The following TSNARE1 variants were observed in gnomAD, a reference collection of about 807,000 sequenced individuals.
TSNARE1 encodes t-SNARE domain containing 1.
TSNARE1 carries 49 observed loss-of-function variants against 62.0 expected under a neutral mutation model. The observed-to-expected ratio is 0.79, with a 90% CI of 0.63 to 1.00. The LOEUF (loss-of-function observed/expected upper bound fraction) is 1.00. TSNARE1 is among the 50% of genes least tolerant of loss of function. The pLI is 0.00. For synonymous variants in TSNARE1, 328 were observed against 294.4 expected (o/e 1.11, Z -1.17); for missense variants, 755 against 700.1 (o/e 1.08, Z -0.88).
intron 6 of TSNARE1, among the ~76,000 whole-genome samples, chr8:142,329,165 C>T (rs1462719727): frequency 2.0e-5 from 3 of 152,232 alleles, no homozygotes; most frequent in Admixed American, 6.5e-5. Flanking sequence ...AGAGGGGCCA[C>T]AGAAGGCTCT....
At chr8:142,317,639 G>C (rs1828788374) in intron 7 of TSNARE1, among the ~76,000 whole-genome samples, 1 of 152,200 alleles carries the variant, frequency 6.6e-6, no homozygotes, top group Non-Finnish European at 1.5e-5. Context: ...TGGTGTGGTG[G>C]AGCGGAGGGT....
In TSNARE1 at chr8:142,324,146, G is replaced by A. The variant is rs569120972; in HGVS notation, c.894-5512C>T. Among the ~76,000 whole-genome samples the A allele has an allele frequency of 2.6e-5, 4 of 152,320 alleles. No homozygotes were observed. The East Asian group carries it at 5.8e-4, about 22-fold the overall frequency. On this transcript the variant is annotated intron_variant, in intron 6 of 13. Coordinates refer to ENST00000524325, the MANE Select transcript of TSNARE1 (RefSeq NM_145003.5). Reference sequence around the variant, plus strand: ...CCCATTTGTCACCTCAAGAGAAGCTGGCCTGAGATTGAATCTGATGCATCA... The same window carrying A: ...CCCATTTGTCACCTCAAGAGAAGCTAGCCTGAGATTGAATCTGATGCATCA...
chr8:142,259,228 C>T (rs563970173), intron 12 of TSNARE1, among the ~76,000 whole-genome samples: 40 of 152,350 alleles, frequency 2.6e-4, no homozygotes, highest in Non-Finnish European at 3.7e-4. Flanking sequence ...CTGTCTCTAC[C>T]CTTCCCTCAG....
At chr8:142,368,524 A>G (rs952126791) in intron 1 of TSNARE1, among the ~76,000 whole-genome samples, 2 of 152,196 alleles carry the variant, frequency 1.3e-5, no homozygotes, top group Non-Finnish European at 2.9e-5. Flanking sequence ...AAGAAAGACA[A>G]GAGAGTCCCA....
intron 4 of TSNARE1, among the ~76,000 whole-genome samples, chr8:142,340,856 C>T (rs1309870298): frequency 6.6e-6 from 1 of 152,238 alleles, no homozygotes; most frequent in Admixed American, 6.5e-5. Flanking sequence ...ACGGATGACA[C>T]CACGTGCCTA....
rs1819475926 is a variant in TSNARE1 at position 142,270,973 on chromosome 8, T to A, written c.1446+3808A>T. 3 of 985,392 alleles carry A rather than the reference T, an allele frequency of 3.0e-6. No homozygotes were observed. The South Asian group carries it at 1.4e-4, about 46-fold the overall frequency. 61.0% of individuals were successfully genotyped at this position (985,392 alleles called of 1,614,324 possible). ...CTTCCGGTCTCCTGGACTGGAGTTG[T>A]CCCGGTGCCCTGGAGACCCAGTCAC... On this transcript the variant is annotated intron_variant, in intron 12 of 13. Coordinates refer to ENST00000524325, the MANE Select transcript of TSNARE1 (RefSeq NM_145003.5).
intron 9 of TSNARE1, among the ~76,000 whole-genome samples, chr8:142,309,485 C>T (rs1012784246): frequency 1.3e-5 from 2 of 152,134 alleles, no homozygotes; most frequent in African/African-American, 2.4e-5. Flanking sequence ...TGAATTTTAT[C>T]GAGTGCTTTT....
intron 11 of TSNARE1, chr8:142,275,773 G>A (rs1048900352): frequency 2.0e-6 from 2 of 985,326 alleles, no homozygotes; most frequent in Admixed American, 6.1e-5. Context: ...ACAGACCTGA[G>A]CTGACTTGAG....
At chr8:142,354,425 G>A (rs1563976192) in intron 2 of TSNARE1, among the ~76,000 whole-genome samples, 1 of 151,954 alleles carries the variant, frequency 6.6e-6, no homozygotes. Flanking sequence ...GGACACCCAG[G>A]TCTGCCCACA....
intron 12 of TSNARE1, among the ~76,000 whole-genome samples, chr8:142,236,144 T>G (rs1586812703): frequency 6.6e-6 from 1 of 151,810 alleles, no homozygotes; most frequent in South Asian, 2.1e-4. Flanking sequence ...CCTCTGGAGG[T>G]GGGATCCTGG....
chr8:142,364,838 T>C (rs1157382812), intron 1 of TSNARE1, among the ~76,000 whole-genome samples: 1 of 152,080 alleles, frequency 6.6e-6, no homozygotes, highest in African/African-American at 2.4e-5. Flanking sequence ...CTGTTATAGA[T>C]GAATAAGTAG....
At chr8:142,226,360 AG>A (rs1816772589) in intron 13 of TSNARE1, among the ~76,000 whole-genome samples, 1 of 152,286 alleles carries the variant, frequency 6.6e-6, no homozygotes, top group South Asian at 2.1e-4. Flanking sequence ...CACTGGCAGC[AG>A]GCGGGGGTCC....
chr8:142,394,589 GC>G (rs1369236320), intron 1 of TSNARE1, among the ~76,000 whole-genome samples: 1 of 152,184 alleles, frequency 6.6e-6, no homozygotes, highest in Non-Finnish European at 1.5e-5. Flanking sequence ...GGAATGACAG[GC>G]CACAGTTTCT....
intron 12 of TSNARE1, among the ~76,000 whole-genome samples, chr8:142,243,393 T>C (rs918840363): frequency 1.2e-4 from 18 of 152,250 alleles, no homozygotes; most frequent in South Asian, 1.0e-3. Flanking sequence ...GTGGTACATA[T>C]ACACCAGGAA....
At chr8:142,278,633 G>A (rs528043889) in intron 11 of TSNARE1, 1 of 985,450 alleles carries the variant, frequency 1.0e-6, no homozygotes, top group Non-Finnish European at 1.2e-6. Flanking sequence ...CTCAGAGCCA[G>A]CGTCACCCTT....
intron 11 of TSNARE1, chr8:142,279,970 T>C: frequency 8.9e-7 from 1 of 1,122,440 alleles, no homozygotes; most frequent in Non-Finnish European, 1.1e-6. Flanking sequence ...GGGGCCGCCC[T>C]CCGCCAGCTT....
rs1401235325 is a variant in TSNARE1, at chr8:142,291,627, G to A, written c.1291-7142C>T. 1.3e-5 allele frequency among the ~76,000 whole-genome samples: 2 copies of A among 151,854 alleles called. No homozygotes were observed. The highest frequency in any genetic ancestry group is 2.1e-4 in the South Asian group (1 of 4,768). On this transcript the variant is annotated intron_variant, in intron 10 of 13. Transcript: ENST00000524325. The surrounding 1 kb of genome is among the most constrained non-coding windows in gnomAD (Gnocchi z 4.8). ...CCGGTGAGCTGCTGCGAACGCAGAC[G>A]TGACGGGAACAGGCAACGCCGTTGC...
intron 6 of TSNARE1, among the ~76,000 whole-genome samples, chr8:142,323,852 G>A (rs376518141): frequency 1.3e-5 from 2 of 152,292 alleles, no homozygotes; most frequent in African/African-American, 4.8e-5. Flanking sequence ...CACCGAGGGA[G>A]GGGTCCCACT....
chr8:142,234,526 A>G (rs1267607172), intron 12 of TSNARE1, among the ~76,000 whole-genome samples: 1 of 146,378 alleles, frequency 6.8e-6, no homozygotes, highest in Non-Finnish European at 1.5e-5. Context: ...GTTCAGGGAA[A>G]GCTCAAGATG....
Sources: allele counts gnomAD v4.1 joint callset (sites outside exome capture counted in the v4.1 genomes callset), GRCh38; gene constraint gnomAD v4.1.1; non-coding constraint Gnocchi (gnomAD v3.1); transcripts MANE v1.5; gene names NCBI Gene and HGNC (gene_info 2026-07-23, HGNC 2026-07-21).